SLC25A48: variants seen among roughly 807,000 people sequenced by gnomAD.
SLC25A48 encodes CTC-321K16.1.
SLC25A48 carries 29 observed loss-of-function variants against 32.2 expected under a neutral mutation model. That is an observed-to-expected ratio of 0.90 (90% CI 0.67 to 1.23). SLC25A48 has a LOEUF of 1.23. Among genes scored for constraint, SLC25A48 ranks in the 50% most tolerant of loss-of-function variants. The pLI is 0.00. For missense variants in SLC25A48, 399 were observed against 422.7 expected (o/e 0.94, Z 0.49); for synonymous variants, 164 against 172.3 (o/e 0.95, Z 0.38).
In SLC25A48 at chr5:135,783,551, G is replaced by T. The variant is rs558877128; in HGVS notation, c.-520-28972G>T. Among the ~76,000 whole-genome samples, 5 of 118,718 alleles carry T rather than the reference G, an allele frequency of 4.2e-5. 1 individual carries two copies. In the South Asian group the frequency reaches 1.2e-3, roughly 28 times the overall value. The allele number at this position is 118,718 out of a possible 152,430, so 77.9% of individuals were successfully genotyped here. A position where few individuals can be genotyped will look rare whatever the true frequency, so the allele number is the denominator to read the frequency against. On this transcript the variant is annotated intron_variant, in intron 3 of 10. Transcript: ENST00000646290. Reference sequence around the variant, plus strand: ...GATATTACTCCCAGTATGGCAGGGGGTGTACACCCCCTGTGTGATTTTGTG... The same window carrying T: ...GATATTACTCCCAGTATGGCAGGGGTTGTACACCCCCTGTGTGATTTTGTG...
chr5:135,866,558 G>T (rs919058531), intron 4 of SLC25A48, among the ~76,000 whole-genome samples: 3 of 152,128 alleles, frequency 2.0e-5, no homozygotes, highest in African/African-American at 4.8e-5. Flanking sequence ...TGGCTGTATT[G>T]GTACCTGTTA....
upstream of SLC25A48, among the ~76,000 whole-genome samples, chr5:135,832,242 G>A (rs1580936353): frequency 1.3e-5 from 2 of 152,110 alleles, no homozygotes; most frequent in East Asian, 3.9e-4. Context: ...TCCAGATGGG[G>A]CCCTGAGGAA....
intron 3 of SLC25A48, among the ~76,000 whole-genome samples, chr5:135,672,488 T>G (rs1206992209): frequency 6.6e-6 from 1 of 152,216 alleles, no homozygotes; most frequent in Non-Finnish European, 1.5e-5. Flanking sequence ...AGACTGTGAC[T>G]GCTGCTCAAA....
intron 1 of SLC25A48, among the ~76,000 whole-genome samples, chr5:135,581,786 T>C (rs1751239946): frequency 1.3e-5 from 2 of 152,184 alleles, no homozygotes; most frequent in Non-Finnish European, 2.9e-5. Flanking sequence ...GAGCCCTTGT[T>C]TGTGTGAGTT....
In SLC25A48 at chr5:135,883,720, G is replaced by A. The variant is rs989312865; in HGVS notation, c.*7+3623G>A. ...TCTCCCACCCTGAGCAGTGGCACAC[G>A]TTGGTGACTTGCTTCAGAGAGTTTG... is the stretch of plus-strand genomic sequence containing the variant. On this transcript the variant is annotated intron_variant, in intron 7 of 7. Transcript: ENST00000681962. Among the ~76,000 whole-genome samples, 9 of 152,326 alleles carry A rather than the reference G, an allele frequency of 5.9e-5. No homozygotes were observed. In the East Asian group the frequency reaches 1.5e-3, roughly 26 times the overall value.
chr5:135,789,185 G>A (rs557051629), intron 3 of SLC25A48, among the ~76,000 whole-genome samples: 4 of 150,286 alleles, frequency 2.7e-5, no homozygotes, highest in East Asian at 2.0e-4. Context: ...CCCATGTTGC[G>A]GTGGGTGTAC....
At chr5:135,843,793 G>A (rs377119673) in intron 2 of SLC25A48, among the ~76,000 whole-genome samples, 1 of 152,218 alleles carries the variant, frequency 6.6e-6, no homozygotes, top group Admixed American at 6.5e-5. Context: ...TGTGTGTGGT[G>A]CACACAGTGA....
intron 3 of SLC25A48, among the ~76,000 whole-genome samples, chr5:135,711,964 G>A (rs1488509618): frequency 3.4e-5 from 5 of 148,648 alleles, no homozygotes; most frequent in East Asian, 4.0e-4. Context: ...CCTGCAGGCC[G>A]CATTCTTCAG....
At chr5:135,733,120 A>G (rs745900597) in intron 3 of SLC25A48, among the ~76,000 whole-genome samples, 2 of 152,198 alleles carry the variant, frequency 1.3e-5, no homozygotes, top group Non-Finnish European at 2.9e-5. Flanking sequence ...GTCCTTTTGC[A>G]AGGGCGAGGG....
chr5:135,657,530 T>C (rs1753282644), intron 3 of SLC25A48, among the ~76,000 whole-genome samples: 1 of 152,262 alleles, frequency 6.6e-6, no homozygotes, highest in Non-Finnish European at 1.5e-5. Flanking sequence ...CGTTGCTTTT[T>C]GGCAGTGATC....
chr5:135,844,460 A>C (rs1759252948), intron 2 of SLC25A48, among the ~76,000 whole-genome samples: 1 of 152,154 alleles, frequency 6.6e-6, no homozygotes. Flanking sequence ...ACAAGAATGG[A>C]TCAGTGGGGA....
At chr5:135,711,698 G>A (rs927873042) in intron 3 of SLC25A48, among the ~76,000 whole-genome samples, 1 of 152,164 alleles carries the variant, frequency 6.6e-6, no homozygotes, top group Non-Finnish European at 1.5e-5. Context: ...AGTCTTTCCA[G>A]CGCATTAAAA....
intron 4 of SLC25A48, among the ~76,000 whole-genome samples, chr5:135,865,879 C>G (rs1210638900): frequency 6.6e-6 from 1 of 152,162 alleles, no homozygotes; most frequent in Non-Finnish European, 1.5e-5. Context: ...TGTAAGGAAG[C>G]TACTATGGAT....
chr5:135,601,739 C>A (rs1181109212), intron 1 of SLC25A48, among the ~76,000 whole-genome samples: 22 of 152,232 alleles, frequency 1.4e-4, no homozygotes, highest in Non-Finnish European at 1.5e-5. Context: ...CATCTCCCAA[C>A]AGCTGCCAAA....
At chr5:135,886,701 AGT>A (rs1203133222) in intron 7 of SLC25A48, among the ~76,000 whole-genome samples, 4,953 of 117,632 alleles carry the variant, frequency 0.042, 209 homozygotes, top group Middle Eastern at 0.077. Flanking sequence ...AGAGAGAGAG[AGT>A]GTGTGTGTGT....
intron 3 of SLC25A48, among the ~76,000 whole-genome samples, chr5:135,780,075 T>C (rs1756682136): frequency 8.6e-6 from 1 of 116,642 alleles, no homozygotes. Flanking sequence ...TGTGATATTG[T>C]TCTTAATATA....
chr5:135,626,974 T>C (rs1752453995), intron 1 of SLC25A48, among the ~76,000 whole-genome samples: 1 of 152,152 alleles, frequency 6.6e-6, no homozygotes, highest in South Asian at 2.1e-4. Flanking sequence ...CCCATAGAAG[T>C]AGCCCCACTT....
intron 3 of SLC25A48, among the ~76,000 whole-genome samples, chr5:135,732,540 A>T (rs1561467716): frequency 6.6e-6 from 1 of 152,156 alleles, no homozygotes; most frequent in Non-Finnish European, 1.5e-5. Flanking sequence ...GGAGGCCTGA[A>T]AAATCCCTGA....
chr5:135,764,075 G>A (rs1392768473), intron 3 of SLC25A48, among the ~76,000 whole-genome samples: 1 of 152,104 alleles, frequency 6.6e-6, no homozygotes, highest in East Asian at 1.9e-4. Flanking sequence ...GGAAGAAAGA[G>A]CGTGATATTA....
Sources: allele counts gnomAD v4.1 joint callset (sites outside exome capture counted in the v4.1 genomes callset), GRCh38; gene constraint gnomAD v4.1.1; transcripts MANE v1.5; gene names NCBI Gene and HGNC (gene_info 2026-07-23, HGNC 2026-07-21).